The following THSD7B variants were observed in gnomAD, a reference collection of about 807,000 sequenced individuals.
THSD7B encodes the protein thrombospondin type-1 domain-containing protein 7B.
In THSD7B, 138 loss-of-function variants were observed where a neutral mutation model predicts 213.6. The ratio of observed to expected loss-of-function variants is 0.65; its 90% CI spans 0.56 to 0.74. The LOEUF (loss-of-function observed/expected upper bound fraction) is 0.74. Among genes scored for constraint, THSD7B ranks in the 30% least tolerant of loss-of-function variants. The pLI, the probability that THSD7B is intolerant of heterozygous loss-of-function variation, is 0.00. For synonymous variants in THSD7B, 742 were observed against 687.0 expected, an observed-to-expected ratio of 1.08 and a Z score of -1.25; for missense variants, 1,931 against 1,991.5, an observed-to-expected ratio of 0.97 and a Z score of 0.58.
intron 10 of THSD7B, among the ~76,000 whole-genome samples, chr2:137,254,176 T>C (rs1682252361): frequency 6.6e-6 from 1 of 152,200 alleles, no homozygotes; most frequent in Non-Finnish European, 1.5e-5. Context: ...TACATATAGA[T>C]GGTTCAGATA....
At chr2:136,951,406 T>C (rs1213503102) in intron 2 of THSD7B, among the ~76,000 whole-genome samples, 8 of 152,236 alleles carry the variant, frequency 5.3e-5, no homozygotes, top group Admixed American at 5.2e-4. Context: ...GCAAACTCTG[T>C]TGAATCATCT....
At chr2:137,061,301 C>CA (rs35908147) in intron 3 of THSD7B, among the ~76,000 whole-genome samples, 21,506 of 144,932 alleles carry the variant, frequency 0.15, 2,284 homozygotes, top group African/African-American at 0.31. Flanking sequence ...ATGTCATCTG[C>CA]AAAAAAAAAA....
At chr2:137,390,301 T>C (rs1258749686) in intron 12 of THSD7B, among the ~76,000 whole-genome samples, 1 of 152,272 alleles carries the variant, frequency 6.6e-6, no homozygotes, top group East Asian at 1.9e-4. Flanking sequence ...TTTGTAGGAA[T>C]TATAAATAGG....
At chr2:137,202,442 G>A (rs371154501) in intron 7 of THSD7B, among the ~76,000 whole-genome samples, 215 of 152,248 alleles carry the variant, frequency 1.4e-3, no homozygotes, top group Non-Finnish European at 2.3e-3. Flanking sequence ...AGGAGATGGC[G>A]AGGTGAAAAG....
chr2:137,669,905 C>T (rs62166265), intron 27 of THSD7B, among the ~76,000 whole-genome samples: 40,318 of 151,920 alleles, frequency 0.27, 5,425 homozygotes, highest in Middle Eastern at 0.38. Flanking sequence ...TATTAAGGCC[C>T]CTTTCTGCAT....
intron 12 of THSD7B, among the ~76,000 whole-genome samples, chr2:137,373,439 T>C (rs1307024143): frequency 2.6e-5 from 4 of 152,250 alleles, no homozygotes; most frequent in African/African-American, 9.6e-5. Context: ...TGCATTTCTC[T>C]GATGGCCAGT....
chr2:137,642,659 A>C (rs1682961728), intron 21 of THSD7B, 26 bp downstream of exon 21: 1 of 1,611,056 alleles, frequency 6.2e-7, no homozygotes, highest in African/African-American at 1.3e-5. Flanking sequence ...ACAGTTAGAG[A>C]AATATTCATC....
At chr2:137,567,316 C>T (rs759331685) in intron 16 of THSD7B, among the ~76,000 whole-genome samples, 9 of 151,740 alleles carry the variant, frequency 5.9e-5, no homozygotes, top group Non-Finnish European at 1.2e-4. Flanking sequence ...TTACAGGTGC[C>T]CACCACCACA....
At chr2:137,288,867 A>G (rs1018363817) in intron 12 of THSD7B, among the ~76,000 whole-genome samples, 1 of 151,908 alleles carries the variant, frequency 6.6e-6, no homozygotes, top group African/African-American at 2.4e-5. Flanking sequence ...GAAAGCACAG[A>G]GGGCATGTAA....
rs13407682 is a variant in THSD7B at position 137,550,735 on chromosome 2, G to A, written c.3139-12486G>A. On this transcript the variant is annotated intron_variant, in intron 15 of 27. Transcript: ENST00000409968. ...ACCATGGCAAGGAAAATAAGACTAT[G>A]TGGATGACATGGATGGTTTAGCTTG... 4.2e-3 allele frequency among the ~76,000 whole-genome samples: 646 copies of A among 152,170 alleles called. 11 individuals are homozygous for A. The highest frequency in any genetic ancestry group is 0.015 in the African/African-American group (609 of 41,532).
chr2:137,106,632 TTCTA>T (rs1267798656), intron 4 of THSD7B, among the ~76,000 whole-genome samples: 4 of 152,204 alleles, frequency 2.6e-5, no homozygotes, highest in Admixed American at 2.6e-4. Flanking sequence ...GAGAAAATTT[TTCTA>T]TCTATCCATT....
chr2:136,852,913 G>T (rs1683122523), intron 1 of THSD7B, among the ~76,000 whole-genome samples: 1 of 152,000 alleles, frequency 6.6e-6, no homozygotes, highest in Non-Finnish European at 1.5e-5. Context: ...TTTTAAAAAT[G>T]TTGAAACTGC....
intron 12 of THSD7B, among the ~76,000 whole-genome samples, chr2:137,321,538 A>T (rs1350609422): frequency 6.6e-6 from 1 of 152,184 alleles, no homozygotes; most frequent in African/African-American, 2.4e-5. Flanking sequence ...ACTTCCCCAG[A>T]TGGGGAAGGT....
chr2:137,162,589 G>T (rs962016989), intron 6 of THSD7B, among the ~76,000 whole-genome samples: 1 of 152,178 alleles, frequency 6.6e-6, no homozygotes, highest in African/African-American at 2.4e-5. Flanking sequence ...ATAGGTGCTT[G>T]TTAAATAGAT....
intron 12 of THSD7B, among the ~76,000 whole-genome samples, chr2:137,367,218 G>T (rs1398921042): frequency 6.6e-6 from 1 of 152,136 alleles, no homozygotes; most frequent in Non-Finnish European, 1.5e-5. Context: ...ACACCGTACA[G>T]ATTAGCAAGA....
intron 2 of THSD7B, among the ~76,000 whole-genome samples, chr2:137,018,684 C>T (rs1686387934): frequency 1.3e-5 from 2 of 152,088 alleles, no homozygotes; most frequent in Non-Finnish European, 1.5e-5. Context: ...GTAGTAAGCT[C>T]AAACATGTAT....
intron 12 of THSD7B, among the ~76,000 whole-genome samples, chr2:137,284,019 C>T (rs1193532292): frequency 6.6e-6 from 1 of 152,036 alleles, no homozygotes. Flanking sequence ...GCTGTGAATC[C>T]ATCTGGTCCT....
intron 17 of THSD7B, among the ~76,000 whole-genome samples, chr2:137,591,655 T>G (rs145318167): frequency 9.2e-5 from 14 of 152,076 alleles, no homozygotes; most frequent in African/African-American, 3.1e-4. Context: ...CATAAACCAA[T>G]CGAAAAGTTG....
rs777417239 is a variant in THSD7B, at chr2:137,611,135, T to C, written c.3424-5040T>C. ...CATGACAGTCTATGTAATGGAAAAATTCTTTTGATAAGAATTTATCATTAC... is the reference window on the plus strand; with the variant it reads ...CATGACAGTCTATGTAATGGAAAAACTCTTTTGATAAGAATTTATCATTAC... On this transcript the variant is annotated intron_variant, in intron 17 of 27. Transcript: ENST00000409968. 5.6e-4 allele frequency among the ~76,000 whole-genome samples: 85 copies of C among 151,468 alleles called. 3 individuals are homozygous for C. The highest frequency in any genetic ancestry group is 2.2e-4 in the Non-Finnish European group (15 of 67,858).
Sources: allele counts gnomAD v4.1 joint callset (sites outside exome capture counted in the v4.1 genomes callset), GRCh38; gene constraint gnomAD v4.1.1; transcripts MANE v1.5; gene names NCBI Gene and HGNC (gene_info 2026-07-23, HGNC 2026-07-21).